Variants in MYH3 observed in about 807,000 individuals in gnomAD.
The protein encoded by MYH3 is myosin-3.
A neutral mutation model predicts 238.0 loss-of-function variants in MYH3; 130 were observed. The ratio of observed to expected loss-of-function variants is 0.55; its 90% CI spans 0.47 to 0.63. MYH3 has a LOEUF of 0.63. MYH3 is among the 30% of genes least tolerant of loss of function. MYH3 has a pLI of 0.00. For missense variants in MYH3, 1,853 were observed against 2,374.9 expected, an observed-to-expected ratio of 0.78 and a Z score of 4.57; for synonymous variants, 880 against 924.1, an observed-to-expected ratio of 0.95 and a Z score of 0.86.
intron 4 of MYH3, 79 bp from the exon 5 acceptor site, chr17:10,651,747 GTTT>G (rs370073463): frequency 1.1e-4 from 79 of 744,550 alleles, no homozygotes; most frequent in Admixed American, 3.7e-4. Flanking sequence ...TATTATTATT[GTTT>G]TTTTTTTTTT....
At chr17:10,643,144 G>A (rs774020442) in intron 14 of MYH3, 148 bp from the exon 15 acceptor site, 244 of 1,436,028 alleles carry the variant, frequency 1.7e-4, no homozygotes, top group Non-Finnish European at 2.1e-4. Context: ...GCCTCAGACC[G>A]CATCTCCTCC....
rs566742298 is a variant in MYH3, at chr17:10,632,101, T to C, written c.4957-85A>G. The stretch of plus-strand genomic sequence containing the variant: ...TCTGCATCTCTGAGTTTTGTTTGTT[T>C]GTTTGTTTGTTTTTGTTTTGTTTTG... On this transcript the variant is annotated intron_variant, in intron 34 of 40. Transcript: ENST00000583535. 3.3e-4 allele frequency: 481 copies of C among 1,464,532 alleles called. 3 individuals are homozygous for C. In the African/African-American group the frequency reaches 6.1e-3, roughly 19 times the overall value. The allele number at this position is 1,464,532 out of a possible 1,614,324, so 90.7% of individuals were successfully genotyped here.
In MYH3 at chr17:10,634,999, T is replaced by C. The variant is rs933438866; in HGVS notation, c.4197A>G (p.Gln1399=). The change falls in exon 31 of 41, where the codon CAA becomes CAG. Residue 1399 remains glutamine, a synonymous_variant. Coordinates refer to ENST00000583535, the MANE Select transcript of MYH3 (RefSeq NM_002470.4). ...EAKKKLAQRL[Q]DSEEQVEAVN... ...CTGCCTCAACCTGTTCCTCGGAATC[T>C]TGAAGGCGCTGAGCAAGTTTTTTCC... The C allele has an allele frequency of 6.2e-7, 1 of 1,614,168 alleles. No homozygotes were observed. Among genetic ancestry groups the C allele is most frequent in the African/African-American group, 1.3e-5 (1 of 75,044 alleles).
At chr17:10,632,450 T>G in intron 34 of MYH3, 26 bp downstream of exon 34, 1 of 1,607,880 alleles carries the variant, frequency 6.2e-7, no homozygotes, top group Non-Finnish European at 8.5e-7. Flanking sequence ...AGGAGAGAGG[T>G]TTTTCCCCGA....
At chr17:10,658,319 A>C (rs2142438631), upstream of MYH3, among the ~76,000 whole-genome samples, 1 of 152,298 alleles carries the variant, frequency 6.6e-6, no homozygotes, top group Middle Eastern at 3.4e-3. Context: ...TGCTTATTCC[A>C]AATAGAACTG....
chr17:10,651,318 T>C (rs1298425073), intron 5 of MYH3, among the ~76,000 whole-genome samples, 194 bp downstream of exon 5: 1 of 152,216 alleles, frequency 6.6e-6, no homozygotes, highest in Admixed American at 6.5e-5. Flanking sequence ...CTAACTTGCA[T>C]TAAATCCAAA....
At chr17:10,659,856 T>C (rs1597497701), upstream of MYH3, among the ~76,000 whole-genome samples, 3 of 152,172 alleles carry the variant, frequency 2.0e-5, no homozygotes, top group African/African-American at 7.2e-5. Flanking sequence ...AGAGGTCAGC[T>C]CTCCAGGAGA....
At position 10,629,858 on chromosome 17, in the gene MYH3, C is replaced by T. The variant is rs770880099; in HGVS notation, c.5642G>A (p.Arg1881Lys). The T allele has an allele frequency of 6.2e-7, 1 of 1,614,130 alleles. No individual in the cohort carries two copies. ...KLQVKVKSYK[R>K]QAEEADEQAN... ...CTCACTTACAGCCTCCTCCGCCTGCCTCTTGTAGGACTTGACTTTCACTTG... is the reference window on the plus strand; with the variant it reads ...CTCACTTACAGCCTCCTCCGCCTGCTTCTTGTAGGACTTGACTTTCACTTG... The change falls in exon 39 of 41, where the codon AGG becomes AAG. Residue 1881 changes from arginine to lysine, a missense_variant. Arg to Lys is a conservative substitution (Grantham distance 26, BLOSUM62 2). Transcript: ENST00000583535.
In MYH3 at chr17:10,642,227, G is replaced by C; in HGVS notation, c.1959+13C>G. 3 of 1,609,774 alleles carry C rather than the reference G, an allele frequency of 1.9e-6. No individual in the cohort carries two copies. Among genetic ancestry groups the C allele is most frequent in the Non-Finnish European group, 2.5e-6 (3 of 1,176,492 alleles). ...AAATCAATTATAAGCAAATAAACTT[G>C]TATTTTTCTTACCCTGAAAAGGGCA... On this transcript the variant is annotated intron_variant, in intron 17 of 40. Coordinates refer to ENST00000583535, the MANE Select transcript of MYH3 (RefSeq NM_002470.4). This position sits in a 1 kb window ranked among gnomAD's most constrained non-coding sequence, Gnocchi z 5.4.
the MYH3 span, among the ~76,000 whole-genome samples, chr17:10,671,141 G>A: frequency 3.6e-3 from 552 of 152,214 alleles, 6 homozygotes; most frequent in African/African-American, 0.012. Flanking sequence ...TGATCCGCCC[G>A]CCTTGGCTCC....
chr17:10,642,663 A>T lies in MYH3; in HGVS notation c.1642T>A (p.Ser548Thr), dbSNP rs772077205. The change falls in exon 16 of 41, where the codon TCC (serine) becomes ACC (threonine). Residue 548 changes from serine (S) to threonine (T), a missense_variant. By Grantham distance (58) the Ser-to-Thr change is moderately conservative. This residue lies in a region of MYH3 where 678 missense variants were observed against 1,058.9 expected (regional missense o/e 0.64). Transcript: ENST00000583535. This position sits in a 1 kb window ranked among gnomAD's most constrained non-coding sequence, Gnocchi z 5.4. ...TGGTCATACAGCTTGTTCTTGAAGG[A>T]GGTGTCTGTTGCCTTGGGGAACATG... ...ECMFPKATDTSFKNKLYDQHL... is the reference protein window; with the variant it reads ...ECMFPKATDTTFKNKLYDQHL... The T allele has an allele frequency of 6.2e-6, 10 of 1,614,096 alleles. No homozygotes were observed. Among genetic ancestry groups the T allele is most frequent in the Non-Finnish European group, 8.5e-6 (10 of 1,180,042 alleles).
Position 10,637,856 on chromosome 17 carries a change from C to A in MYH3, c.3809G>T (p.Ser1270Ile). 1 of 1,614,106 alleles carries A rather than the reference C, an allele frequency of 6.2e-7. No homozygotes were observed. Among genetic ancestry groups the A allele is most frequent in the Non-Finnish European group, 8.5e-7 (1 of 1,180,016 alleles). ...ARGKNEEIQRSLSELTTQKSR... is the reference protein window; with the variant it reads ...ARGKNEEIQRILSELTTQKSR... Reference sequence around the variant, plus strand: ...CTTCTGTGTGGTCAGCTCGCTCAGGCTCCTCTGAATTTCCTCATTCTTGCC... The same window carrying A: ...CTTCTGTGTGGTCAGCTCGCTCAGGATCCTCTGAATTTCCTCATTCTTGCC... Residue 1270 changes from serine (S) to isoleucine (I), a missense_variant, in exon 28 of 41, where the codon AGC (serine) becomes ATC (isoleucine). By Grantham distance (142) the Ser-to-Ile change is moderately radical. Transcript: ENST00000583535.
Position 10,632,028 on chromosome 17 carries a change from A to C in MYH3, c.4957-12T>G. On this transcript the variant is annotated splice_polypyrimidine_tract_variant and intron_variant, in intron 34 of 40. Transcript: ENST00000583535. Reference sequence around the variant, plus strand: ...TGGAGCTGCGTATCCTAGCCAGAGAAAAACGAACATTCTATTTGAAGTTGA... The same window carrying C: ...TGGAGCTGCGTATCCTAGCCAGAGACAAACGAACATTCTATTTGAAGTTGA... 6.2e-7 allele frequency: 1 copy of C among 1,612,740 alleles called. No individual in the cohort carries two copies. The highest frequency in any genetic ancestry group is 8.5e-7 in the Non-Finnish European group (1 of 1,179,968).
chr17:10,649,461 G>T, intron 7 of MYH3, 116 bp downstream of exon 7: 2 of 859,760 alleles, frequency 2.3e-6, no homozygotes, highest in East Asian at 2.5e-5. Context: ...GTAAATCCTA[G>T]CCTGTTCTCC....
rs780712811 is a variant in MYH3 at position 10,629,618 on chromosome 17, A to C, written c.5775T>G (p.Thr1925=). The part of the protein sequence containing the change: ...ESQVNKLRAK[T]RDFTSSRMVV... ...TCACCCTGCTGGAGGTGAAGTCTCG[A>C]GTCTTAGCGCGGAGCTTGTTGACTT... The change falls in exon 40 of 41, where the codon ACT becomes ACG. Residue 1925 remains threonine, a synonymous_variant. Coordinates refer to ENST00000583535, the MANE Select transcript of MYH3 (RefSeq NM_002470.4). The C allele has an allele frequency of 3.1e-6, 5 of 1,613,660 alleles. No homozygotes were observed. The highest frequency in any genetic ancestry group is 4.5e-5 in the East Asian group (2 of 44,868).
intron 5 of MYH3, 119 bp downstream of exon 5, chr17:10,651,393 C>G: frequency 6.4e-7 from 1 of 1,572,494 alleles, no homozygotes; most frequent in Non-Finnish European, 8.7e-7. Context: ...TTGGCTCCTT[C>G]TTCCTCCTTT....
the MYH3 span, chr17:10,675,753 A>G: frequency 6.6e-6 from 1 of 152,170 alleles, no homozygotes; most frequent in Non-Finnish European, 1.5e-5. Context: ...AAAACACCCA[A>G]CAACGAGGAC....
At chr17:10,644,168 AC>A (rs1243021506) in intron 14 of MYH3, among the ~76,000 whole-genome samples, 182 bp downstream of exon 14, 4 of 34,502 alleles carry the variant, frequency 1.2e-4, no homozygotes, top group Non-Finnish European at 5.4e-4. Flanking sequence ...AAAAAAAAAA[AC>A]AAACAAAAAA....
At chr17:10,647,497 T>A in intron 8 of MYH3, 71 bp from the exon 9 acceptor site, 1 of 1,522,094 alleles carries the variant, frequency 6.6e-7, no homozygotes, top group Non-Finnish European at 9.1e-7. Context: ...ATCTTATGGG[T>A]AATTTGAGTA....
Sources: allele counts gnomAD v4.1 joint callset (sites outside exome capture counted in the v4.1 genomes callset), GRCh38; gene constraint gnomAD v4.1.1; regional missense constraint gnomAD v4.1.1; non-coding constraint Gnocchi (gnomAD v3.1); transcripts MANE v1.5; gene names NCBI Gene and HGNC (gene_info 2026-07-23, HGNC 2026-07-21).